The following PACS1 variants were observed in gnomAD, a reference collection of about 807,000 sequenced individuals.
PACS1 encodes phosphofurin acidic cluster sorting protein 1.
In PACS1, 24 loss-of-function variants were observed where a neutral mutation model predicts 115.0. That is an observed-to-expected ratio of 0.21 (90% CI 0.15 to 0.29). The LOEUF (loss-of-function observed/expected upper bound fraction) is 0.29, where lower values mean the gene tolerates loss of function less well. Ranked by LOEUF, PACS1 falls within the 10% of genes least tolerant of loss-of-function variation. The probability of loss-of-function intolerance (pLI) is 1.00; values close to 1 mark genes in which losing one functional copy is unlikely to be tolerated. For synonymous variants in PACS1, 453 were observed against 504.5 expected (o/e 0.90, Z 1.37); for missense variants, 838 against 1,251.2 (o/e 0.67, Z 4.98).
chr11:66,222,733 T>C lies in PACS1; in HGVS notation c.1293+1486T>C, dbSNP rs147050867. 5.8e-3 allele frequency among the ~76,000 whole-genome samples: 886 copies of C among 152,126 alleles called. 10 individuals are homozygous for C. The highest frequency in any genetic ancestry group is 0.02 in the African/African-American group (833 of 41,486). On this transcript the variant is annotated intron_variant, in intron 10 of 23. Transcript: ENST00000320580. ...ATCGGTAGTAATTGTGCGGAGATGA[T>C]AGGAAACAGGAGAGGCCTCTACCGC...
chr11:66,101,381 T>C (rs1857917741), intron 1 of PACS1, among the ~76,000 whole-genome samples: 1 of 152,212 alleles, frequency 6.6e-6, no homozygotes, highest in Non-Finnish European at 1.5e-5. Context: ...GGGAATCTTG[T>C]TTTTAAAAAA....
At chr11:66,171,938 G>A (rs1859749929) in intron 1 of PACS1, among the ~76,000 whole-genome samples, 1 of 152,002 alleles carries the variant, frequency 6.6e-6, no homozygotes. Context: ...TATTTTCTTA[G>A]TTTACTCTCA....
intron 1 of PACS1, among the ~76,000 whole-genome samples, chr11:66,167,279 C>T (rs1859627110): frequency 6.7e-6 from 1 of 149,138 alleles, no homozygotes; most frequent in Non-Finnish European, 1.5e-5. Flanking sequence ...TAGTTCTTTC[C>T]CTTTGTCAGT....
chr11:66,238,207 C>T (rs894578805), intron 19 of PACS1: 1 of 985,182 alleles, frequency 1.0e-6, no homozygotes, highest in African/African-American at 1.7e-5. Context: ...TCCAGGAAGA[C>T]CAGAGAGGAG....
rs72936639 is a variant in PACS1 at position 66,179,692 on chromosome 11, T to C, written c.357-13794T>C. Among the ~76,000 whole-genome samples, 538 of 152,286 alleles carry C rather than the reference T, an allele frequency of 3.5e-3. 5 individuals are homozygous for C. Among genetic ancestry groups the C allele is most frequent in the Non-Finnish European group, 5.4e-3 (367 of 68,018 alleles). ...GTACTTTCAGCTCCAGTACTCTGGGTTCTAATTGACTTTGTTTAATCTTTA... is the reference window on the plus strand; with the variant it reads ...GTACTTTCAGCTCCAGTACTCTGGGCTCTAATTGACTTTGTTTAATCTTTA... On this transcript the variant is annotated intron_variant, in intron 1 of 23. Transcript: ENST00000320580.
At chr11:66,088,818 A>T (rs1857613657) in intron 1 of PACS1, among the ~76,000 whole-genome samples, 1 of 152,122 alleles carries the variant, frequency 6.6e-6, no homozygotes, top group Non-Finnish European at 1.5e-5. Flanking sequence ...GATTGCATTG[A>T]TCTCTATGGA....
chr11:66,218,015 G>A (rs1855253115), intron 7 of PACS1: 2 of 171,494 alleles, frequency 1.2e-5, no homozygotes, highest in Non-Finnish European at 2.5e-5. Flanking sequence ...TTTTTAAGCT[G>A]CAGGCACTTT....
In PACS1 at chr11:66,235,464, T is replaced by A; in HGVS notation, c.2207+61T>A. 1 of 1,169,540 alleles carries A rather than the reference T, an allele frequency of 8.6e-7. No individual in the cohort carries two copies. The highest frequency in any genetic ancestry group is 1.3e-6 in the Non-Finnish European group (1 of 783,170). The allele number at this position is 1,169,540 out of a possible 1,614,324, so 72.4% of individuals were successfully genotyped here. The stretch of plus-strand genomic sequence containing the variant: ...TTGGGTGGGTTAGAGGAATCTTGAG[T>A]CTTCCTTGCTTTCTCACATTTTCCT... On this transcript the variant is annotated intron_variant, in intron 18 of 23. Transcript: ENST00000320580. The surrounding 1 kb of genome is among the most constrained non-coding windows in gnomAD (Gnocchi z 5.6).
At chr11:66,180,422 TC>T (rs1174597783) in intron 1 of PACS1, among the ~76,000 whole-genome samples, 1 of 151,622 alleles carries the variant, frequency 6.6e-6, no homozygotes, top group Non-Finnish European at 1.5e-5. Flanking sequence ...TGGCGTGATC[TC>T]AGCTCACTGC....
chr11:66,172,215 C>T (rs1474741881), intron 1 of PACS1, among the ~76,000 whole-genome samples: 1 of 152,058 alleles, frequency 6.6e-6, no homozygotes, highest in Non-Finnish European at 1.5e-5. Context: ...CTTACTTTTA[C>T]GGTATATCCT....
intron 7 of PACS1, 26 bp downstream of exon 7, chr11:66,216,801 G>C (rs1855222341): frequency 1.3e-6 from 2 of 1,576,602 alleles, no homozygotes; most frequent in African/African-American, 2.8e-5. Context: ...CTGGGGAGTG[G>C]TTGGCTAAGA....
chr11:66,210,825 G>A (rs375426651), intron 3 of PACS1, among the ~76,000 whole-genome samples: 34 of 152,176 alleles, frequency 2.2e-4, no homozygotes, highest in African/African-American at 7.7e-4. Context: ...CCTCCTAGTC[G>A]GTGTCCCTCT....
chr11:66,215,950 T>TAATAATAAAAAA (rs1422568297), intron 4 of PACS1, among the ~76,000 whole-genome samples, 169 bp from the exon 5 acceptor site: 3 of 134,452 alleles, frequency 2.2e-5, no homozygotes, highest in African/African-American at 8.6e-5. Context: ...ATAATAATAA[T>TAATAATAAAAAA]AAACAAAGTA....
Position 66,214,778 on chromosome 11 carries a change from C to T in PACS1, c.661-1341C>T, listed in dbSNP as rs1246285817. Among the ~76,000 whole-genome samples the T allele has an allele frequency of 2.0e-5, 3 of 151,952 alleles. No homozygotes were observed. In the East Asian group the frequency reaches 5.8e-4, roughly 29 times the overall value. Reference sequence around the variant, plus strand: ...CTGCAACTACAGGCATGCGCCACCACACCCAGCTGATTTTTTTATTTTTAG... The same window carrying T: ...CTGCAACTACAGGCATGCGCCACCATACCCAGCTGATTTTTTTATTTTTAG... On this transcript the variant is annotated intron_variant, in intron 4 of 23. Transcript: ENST00000320580.
At chr11:66,171,683 T>C (rs113335615) in intron 1 of PACS1, among the ~76,000 whole-genome samples, 1 of 149,908 alleles carries the variant, frequency 6.7e-6, no homozygotes, top group Non-Finnish European at 1.5e-5. Context: ...AGGTTCACGC[T>C]ATTCTCCTGC....
At chr11:66,221,914 G>A (rs1393567979) in intron 10 of PACS1, among the ~76,000 whole-genome samples, 1 of 152,132 alleles carries the variant, frequency 6.6e-6, no homozygotes, top group Non-Finnish European at 1.5e-5. Context: ...CTAGGAGTTC[G>A]AAACCAGCCT....
In PACS1 at chr11:66,221,266, G is replaced by A; in HGVS notation, c.1293+19G>A. 5 of 1,607,038 alleles carry A rather than the reference G, an allele frequency of 3.1e-6. No homozygotes were observed. The highest frequency in any genetic ancestry group is 3.4e-6 in the Non-Finnish European group (4 of 1,173,612). Reference sequence around the variant, plus strand: ...CAGCCCTGTGAGCGCAACCGCGACTGCGGGGCGGGGTGGGACCGTGGCATG... The same window carrying A: ...CAGCCCTGTGAGCGCAACCGCGACTACGGGGCGGGGTGGGACCGTGGCATG... On this transcript the variant is annotated intron_variant, in intron 10 of 23. Coordinates refer to ENST00000320580, the MANE Select transcript of PACS1 (RefSeq NM_018026.4).
rs1857294835 is a variant in PACS1, at chr11:66,070,781, G to C, written c.295G>C (p.Val99Leu). Residue 99 changes from valine (V) to leucine (L), a missense_variant, in exon 1 of 24, where the codon GTG becomes CTG. Physicochemically the swap from Val to Leu is conservative, Grantham distance 32. Around this residue, in one of 6 missense-constraint regions of PACS1, gnomAD observed 129 missense variants for 109.4 expected, o/e 1.18. Coordinates refer to ENST00000320580, the MANE Select transcript of PACS1 (RefSeq NM_018026.4). The surrounding 1 kb of genome is among the most constrained non-coding windows in gnomAD (Gnocchi z 5.9). ...GGGGCCAGGCCGCACCCCCGCCCCGGTGCAGATGAACCTGTACGCCACCTG... is the reference window on the plus strand; with the variant it reads ...GGGGCCAGGCCGCACCCCCGCCCCGCTGCAGATGAACCTGTACGCCACCTG... ...GPGPGRTPAP[V>L]QMNLYATWEV... 1 of 1,528,500 alleles carries C rather than the reference G, an allele frequency of 6.5e-7. No individual in the cohort carries two copies. The highest frequency in any genetic ancestry group is 8.7e-7 in the Non-Finnish European group (1 of 1,144,722). 94.7% of individuals were successfully genotyped at this position (1,528,500 alleles called of 1,614,324 possible). A position where few individuals can be genotyped will look rare whatever the true frequency, so the allele number is the denominator to read the frequency against.
intron 1 of PACS1, among the ~76,000 whole-genome samples, chr11:66,147,328 C>T (rs1046652052): frequency 2.6e-5 from 4 of 151,964 alleles, no homozygotes; most frequent in East Asian, 1.9e-4. Context: ...TTGCTTGCTA[C>T]GAGATCTACC....
Sources: allele counts gnomAD v4.1 joint callset (sites outside exome capture counted in the v4.1 genomes callset), GRCh38; gene constraint gnomAD v4.1.1; regional missense constraint gnomAD v4.1.1; non-coding constraint Gnocchi (gnomAD v3.1); transcripts MANE v1.5; gene names NCBI Gene and HGNC (gene_info 2026-07-23, HGNC 2026-07-21).